DNAJC25: variants seen among roughly 807,000 people sequenced by gnomAD.
DNAJC25 encodes dnaJ homolog subfamily C member 25.
DNAJC25 carries 26 observed loss-of-function variants against 42.1 expected under a neutral mutation model. The observed-to-expected ratio is 0.62, with a 90% CI of 0.45 to 0.86. DNAJC25 has a LOEUF of 0.86. Ranked by LOEUF, DNAJC25 falls within the 40% of genes least tolerant of loss-of-function variation. The pLI is 0.00. For synonymous variants in DNAJC25, 189 were observed against 179.9 expected, an observed-to-expected ratio of 1.05 and a Z score of -0.40; for missense variants, 404 against 459.4, an observed-to-expected ratio of 0.88 and a Z score of 1.10.
chr9:111,642,997 A>G (rs1589345105), intron 1 of DNAJC25: 4 of 460,928 alleles, frequency 8.7e-6, no homozygotes, highest in Admixed American at 4.8e-5. Flanking sequence ...AGAAACAAGT[A>G]TAAAGGTTTT....
chr9:111,650,442 T>C (rs541737616), intron 3 of DNAJC25, among the ~76,000 whole-genome samples: 6 of 152,318 alleles, frequency 3.9e-5, no homozygotes, highest in Admixed American at 3.9e-4. Flanking sequence ...TTAAATCGAA[T>C]TACTGTAATG....
intron 2 of DNAJC25, among the ~76,000 whole-genome samples, chr9:111,649,093 G>A (rs1470570471): frequency 6.6e-6 from 1 of 152,018 alleles, no homozygotes; most frequent in African/African-American, 2.4e-5. Flanking sequence ...TAAGTAGGTT[G>A]CTGTTTAAAA....
Position 111,647,186 on chromosome 9 carries a change from G to A in DNAJC25, c.416G>A (p.Ser139Asn). ...EYYSHYYHYY[S>N]RRLAPKVDVR... Reference sequence around the variant, plus strand: ...TACAGCCATTACTACCACTACTATAGCAGGCGCTTGGCCCCTAAGGTGGAT... The same window carrying A: ...TACAGCCATTACTACCACTACTATAACAGGCGCTTGGCCCCTAAGGTGGAT... Residue 139 changes from serine (S) to asparagine (N), a missense_variant, in exon 2 of 4, where the codon AGC (serine) becomes AAC (asparagine). Coordinates refer to ENST00000313525, the MANE Select transcript of DNAJC25 (RefSeq NM_001015882.3). 6.2e-7 allele frequency: 1 copy of A among 1,614,150 alleles called. No homozygotes were observed. The highest frequency in any genetic ancestry group is 8.5e-7 in the Non-Finnish European group (1 of 1,180,032).
intron 1 of DNAJC25, 80 bp downstream of exon 1, chr9:111,631,823 C>A (rs1589338522): frequency 7.0e-7 from 1 of 1,434,718 alleles, no homozygotes. Context: ...GTCCGCGGAG[C>A]GTGGGCCTCT....
At position 111,631,517 on chromosome 9, in the gene DNAJC25, G is replaced by A; in HGVS notation, c.110G>A (p.Gly37Glu). 14 of 1,332,988 alleles carry A rather than the reference G, an allele frequency of 1.1e-5. No individual in the cohort carries two copies. Among genetic ancestry groups the A allele is most frequent in the Non-Finnish European group, 1.3e-5 (14 of 1,047,892 alleles). 82.6% of individuals were successfully genotyped at this position (1,332,988 alleles called of 1,614,324 possible). The stretch of plus-strand genomic sequence containing the variant: ...GCGCTGCTGCTGGTGCGGCCCGCGG[G>A]GGCCCTGGTGGAGGGGCTCTACTGC... ...LPALLLVRPAGALVEGLYCGT... is the reference protein window; with the variant it reads ...LPALLLVRPAEALVEGLYCGT... Residue 37 changes from glycine (G) to glutamate (E), a missense_variant, in exon 1 of 4, where the codon GGG becomes GAG. Coordinates refer to ENST00000313525, the MANE Select transcript of DNAJC25 (RefSeq NM_001015882.3).
In DNAJC25 at chr9:111,631,456, C is replaced by T; in HGVS notation, c.49C>T (p.Arg17Trp). 7.7e-7 allele frequency: 1 copy of T among 1,302,222 alleles called. No individual in the cohort carries two copies. Among genetic ancestry groups the T allele is most frequent in the Non-Finnish European group, 9.7e-7 (1 of 1,030,600 alleles). The allele number at this position is 1,302,222 out of a possible 1,614,324, so 80.7% of individuals were successfully genotyped here. A position where few individuals can be genotyped will look rare whatever the true frequency, so the allele number is the denominator to read the frequency against. Residue 17 changes from arginine (R) to tryptophan (W), a missense_variant, in exon 1 of 4, where the codon CGG (arginine) becomes TGG (tryptophan). By Grantham distance (101) the Arg-to-Trp change is moderately radical (BLOSUM62 -3). Transcript: ENST00000313525. ...SPGWGAGAAG[R>W]RWWMLLAPLL... Reference sequence around the variant, plus strand: ...CGGCTGGGGAGCCGGGGCTGCCGGCCGGCGCTGGTGGATGCTGCTGGCGCC... The same window carrying T: ...CGGCTGGGGAGCCGGGGCTGCCGGCTGGCGCTGGTGGATGCTGCTGGCGCC...
intron 2 of DNAJC25, among the ~76,000 whole-genome samples, chr9:111,648,436 A>ATT (rs140652033): frequency 7.0e-6 from 1 of 143,424 alleles, no homozygotes; most frequent in Non-Finnish European, 1.5e-5. Flanking sequence ...TAATTTTTGT[A>ATT]TTTTTTTTTT....
chr9:111,642,765 A>C (rs1212920575), intron 1 of DNAJC25: 1 of 444,026 alleles, frequency 2.3e-6, no homozygotes, highest in African/African-American at 2.0e-5. Flanking sequence ...GGGAGGGGGG[A>C]TGACCCTTTA....
intron 1 of DNAJC25, among the ~76,000 whole-genome samples, chr9:111,644,178 A>G (rs1191316843): frequency 1.3e-5 from 2 of 152,212 alleles, no homozygotes; most frequent in Admixed American, 1.3e-4. Context: ...GACCCTAAAG[A>G]AAAGAAAACC....
rs1234207235 is a variant in DNAJC25 at position 111,647,300 on chromosome 9, T to C, written c.489+41T>C. The C allele has an allele frequency of 3.7e-6, 6 of 1,608,594 alleles. No homozygotes were observed. In the Admixed American group the frequency reaches 8.4e-5, roughly 23 times the overall value. ...TATTTTTATCTACATTTATGTGCAT[T>C]GAGTGCACATTGCCTAGTGCTAGTC... On this transcript the variant is annotated intron_variant, in intron 2 of 3. Coordinates refer to ENST00000313525, the MANE Select transcript of DNAJC25 (RefSeq NM_001015882.3).
chr9:111,643,329 G>A (rs2131264634), intron 1 of DNAJC25, among the ~76,000 whole-genome samples: 1 of 152,300 alleles, frequency 6.6e-6, no homozygotes, highest in African/African-American at 2.4e-5. Flanking sequence ...GCCAGGCACT[G>A]TACTAGGCCT....
At chr9:111,632,269 C>A (rs927402650) in intron 1 of DNAJC25, among the ~76,000 whole-genome samples, 3 of 152,008 alleles carry the variant, frequency 2.0e-5, no homozygotes, top group South Asian at 2.1e-4. Flanking sequence ...TGCTGTGACA[C>A]CCCTGTATGA....
chr9:111,634,870 CA>C (rs989370568), intron 1 of DNAJC25, among the ~76,000 whole-genome samples: 2 of 148,660 alleles, frequency 1.3e-5, no homozygotes, highest in Non-Finnish European at 3.0e-5. Context: ...GGAGGAAAAC[CA>C]AAAAAAAAGA....
chr9:111,641,147 C>G (rs1830453406), intron 1 of DNAJC25, among the ~76,000 whole-genome samples: 1 of 115,756 alleles, frequency 8.6e-6, no homozygotes, highest in Non-Finnish European at 1.7e-5. Flanking sequence ...GCCCCCCCAC[C>G]CGGCCAGCCG....
intron 1 of DNAJC25, among the ~76,000 whole-genome samples, chr9:111,641,278 G>A (rs1589343697): frequency 7.0e-6 from 1 of 143,608 alleles, no homozygotes. Context: ...GGTGAGGGGC[G>A]CCTCTGCCCG....
At chr9:111,635,604 T>C (rs928887517) in intron 1 of DNAJC25, among the ~76,000 whole-genome samples, 3 of 152,144 alleles carry the variant, frequency 2.0e-5, no homozygotes, top group Admixed American at 6.5e-5. Flanking sequence ...AATAAGCAGA[T>C]GAGAGAACAA....
intron 3 of DNAJC25, 31 bp from the exon 4 acceptor site, chr9:111,653,069 T>C: frequency 6.5e-7 from 1 of 1,540,262 alleles, no homozygotes; most frequent in Non-Finnish European, 8.7e-7. Flanking sequence ...CTCTTTGGAT[T>C]GTGAAGTCAT....
At chr9:111,641,180 G>T (rs1486333804) in intron 1 of DNAJC25, among the ~76,000 whole-genome samples, 45 of 127,872 alleles carry the variant, frequency 3.5e-4, no homozygotes, top group African/African-American at 1.3e-3. Flanking sequence ...GGGAGGTGGG[G>T]GGGTCAGCCC....
In DNAJC25 at chr9:111,649,156, A is replaced by G. The variant is rs78870353; in HGVS notation, c.490-297A>G. 3.7e-3 allele frequency among the ~76,000 whole-genome samples: 560 copies of G among 152,346 alleles called. 23 individuals are homozygous for G. In the East Asian group the frequency reaches 0.097, roughly 26 times the overall value. ...TCTAGGGAAGAGCCAAATGGTAAAG[A>G]TACGAACCACAGGTGTGGTATGATA... On this transcript the variant is annotated intron_variant, in intron 2 of 3. Coordinates refer to ENST00000313525, the MANE Select transcript of DNAJC25 (RefSeq NM_001015882.3).
Sources: gnomAD v4.1 joint callset for allele counts (sites outside exome capture counted in the v4.1 genomes callset) on GRCh38, gnomAD v4.1.1 for gene constraint, MANE v1.5 for transcripts, NCBI Gene and HGNC (gene_info 2026-07-23, HGNC 2026-07-21) for gene names.